MYO1E: variants seen among roughly 807,000 people sequenced by gnomAD.
The protein encoded by MYO1E is myosin IE.
In MYO1E, 68 loss-of-function variants were observed where a neutral mutation model predicts 151.1. The ratio of observed to expected loss-of-function variants is 0.45; its 90% CI spans 0.37 to 0.55. The LOEUF (loss-of-function observed/expected upper bound fraction) is 0.55. Among genes scored for constraint, MYO1E ranks in the 20% least tolerant of loss-of-function variants. MYO1E has a pLI of 0.00. For missense variants in MYO1E, 1,363 were observed against 1,389.3 expected, an observed-to-expected ratio of 0.98 and a Z score of 0.30; for synonymous variants, 601 against 501.7, an observed-to-expected ratio of 1.20 and a Z score of -2.64.
rs990799873 is a variant in MYO1E at position 59,147,666 on chromosome 15, G to T, written c.3080+5924C>A. ...ACTGTGGAACGGTGCAGAGCCAGAA[G>T]GAGTTTGTGACTTTTCATCTTCAAA... On this transcript the variant is annotated intron_variant, in intron 26 of 27. Transcript: ENST00000288235. 4.0e-5 allele frequency among the ~76,000 whole-genome samples: 6 copies of T among 151,182 alleles called. No individual in the cohort carries two copies. The East Asian group carries it at 9.7e-4, about 24-fold the overall frequency.
At chr15:59,354,356 T>TG (rs2080841975) in intron 1 of MYO1E, among the ~76,000 whole-genome samples, 1 of 152,178 alleles carries the variant, frequency 6.6e-6, no homozygotes, top group Non-Finnish European at 1.5e-5. Flanking sequence ...AGACACAACC[T>TG]TGGTCAGGAA....
chr15:59,295,053 T>G (rs1406888057), intron 1 of MYO1E, among the ~76,000 whole-genome samples: 3 of 152,172 alleles, frequency 2.0e-5, no homozygotes, highest in African/African-American at 7.2e-5. Flanking sequence ...GTAAGTGACC[T>G]GAGGATGGGG....
intron 8 of MYO1E, 91 bp downstream of exon 8, chr15:59,224,598 T>G: frequency 1.3e-6 from 2 of 1,530,786 alleles, no homozygotes; most frequent in Admixed American, 1.7e-5. Context: ...TTCATGCAGC[T>G]CTTTGCTTTA....
In MYO1E at chr15:59,344,307, C is replaced by T. The variant is rs574979813; in HGVS notation, c.3+28191G>A. On this transcript the variant is annotated intron_variant, in intron 1 of 27. Coordinates refer to ENST00000288235, the MANE Select transcript of MYO1E (RefSeq NM_004998.4). ...TGCCTTGGTGGTCTTGTGTAAGATCCAAAAGAACTCTCTGGATTACCAGGC... is the reference window on the plus strand; with the variant it reads ...TGCCTTGGTGGTCTTGTGTAAGATCTAAAAGAACTCTCTGGATTACCAGGC... Among the ~76,000 whole-genome samples the T allele has an allele frequency of 5.3e-5, 8 of 152,350 alleles. No individual in the cohort carries two copies. The East Asian group carries it at 1.5e-3, about 29-fold the overall frequency.
intron 26 of MYO1E, among the ~76,000 whole-genome samples, chr15:59,139,490 T>C (rs2079395894): frequency 8.6e-6 from 1 of 116,788 alleles, no homozygotes; most frequent in African/African-American, 4.0e-5. Context: ...GCAGACTTCT[T>C]TCCCACCCCC....
intron 1 of MYO1E, among the ~76,000 whole-genome samples, chr15:59,282,588 A>T (rs530020883): frequency 1.3e-5 from 2 of 151,582 alleles, no homozygotes; most frequent in Non-Finnish European, 2.9e-5. Context: ...GCTCATGCCT[A>T]TAATCCCAGC....
chr15:59,155,626 C>T (rs1348075233), intron 25 of MYO1E, among the ~76,000 whole-genome samples: 2 of 152,134 alleles, frequency 1.3e-5, no homozygotes, highest in African/African-American at 4.8e-5. Context: ...GTGGACTTGG[C>T]CAGAATTCTC....
At chr15:59,184,487 A>C (rs1261029781) in intron 18 of MYO1E, among the ~76,000 whole-genome samples, 1 of 151,852 alleles carries the variant, frequency 6.6e-6, no homozygotes, top group South Asian at 2.1e-4. Flanking sequence ...CAGCCTCCCA[A>C]GTAGCTGGCA....
intron 6 of MYO1E, among the ~76,000 whole-genome samples, chr15:59,231,248 T>C (rs1240885987): frequency 3.3e-5 from 5 of 152,154 alleles, no homozygotes; most frequent in African/African-American, 1.2e-4. Flanking sequence ...GAGGAGGAAG[T>C]TTCTCTCCAA....
At chr15:59,202,982 G>A (rs1224774656) in intron 15 of MYO1E, among the ~76,000 whole-genome samples, 1 of 152,228 alleles carries the variant, frequency 6.6e-6, no homozygotes, top group African/African-American at 2.4e-5. Flanking sequence ...CTGGACTCAA[G>A]AGGTGCTCCT....
chr15:59,178,581 C>A, intron 18 of MYO1E, 44 bp from the exon 19 acceptor site: 1 of 1,604,604 alleles, frequency 6.2e-7, no homozygotes, highest in Non-Finnish European at 8.5e-7. Context: ...TGGGCGGGAC[C>A]GCACTGGTTT....
At chr15:59,356,550 A>G (rs1378132584) in intron 1 of MYO1E, among the ~76,000 whole-genome samples, 1 of 152,200 alleles carries the variant, frequency 6.6e-6, no homozygotes, top group East Asian at 1.9e-4. Context: ...TTGTATACTG[A>G]TGCATAACAA....
rs1214790331 is a variant in MYO1E at position 59,208,338 on chromosome 15, C to T, written c.1530+343G>A. 11 of 556,014 alleles carry T rather than the reference C, an allele frequency of 2.0e-5. 1 individual carries two copies. The South Asian group carries it at 2.6e-4, about 13-fold the overall frequency. The allele number at this position is 556,014 out of a possible 1,614,324, so 34.4% of individuals were successfully genotyped here. On this transcript the variant is annotated intron_variant, in intron 14 of 27. Transcript: ENST00000288235. ...TGCCATGTTATATATATGTAGTTGG[C>T]ATTTGGTTCCCAAAAAGTAGGATGT...
Position 59,271,567 on chromosome 15 carries a change from A to T in MYO1E, c.147+739T>A, listed in dbSNP as rs1454394145. ...TATCACAGTTCCCTGTTGATAATGA[A>T]GTCAACCCATATTTGAATCAAATTT... On this transcript the variant is annotated intron_variant, in intron 2 of 27. Coordinates refer to ENST00000288235, the MANE Select transcript of MYO1E (RefSeq NM_004998.4). 2.6e-5 allele frequency among the ~76,000 whole-genome samples: 4 copies of T among 152,236 alleles called. No homozygotes were observed. The East Asian group carries it at 7.7e-4, about 29-fold the overall frequency.
chr15:59,183,507 T>C (rs1455253190), intron 18 of MYO1E, among the ~76,000 whole-genome samples: 4 of 151,830 alleles, frequency 2.6e-5, no homozygotes, highest in Non-Finnish European at 4.4e-5. Context: ...GACTGATAAG[T>C]TTTTTTTGGG....
intron 1 of MYO1E, among the ~76,000 whole-genome samples, chr15:59,286,370 T>A (rs1185389741): frequency 6.6e-6 from 1 of 152,236 alleles, no homozygotes. Context: ...GTTTGGGGCA[T>A]ATCTGAATAA....
At chr15:59,210,633 T>C in intron 12 of MYO1E, 33 bp from the exon 13 acceptor site, 1 of 1,463,258 alleles carries the variant, frequency 6.8e-7, no homozygotes, top group Non-Finnish European at 9.6e-7. Context: ...TCACATTATT[T>C]CCCAGATAGC....
chr15:59,343,218 T>C (rs976221952), intron 1 of MYO1E, among the ~76,000 whole-genome samples: 1 of 152,188 alleles, frequency 6.6e-6, no homozygotes, highest in Non-Finnish European at 1.5e-5. Flanking sequence ...CCCTCAGCTT[T>C]TGTTTGTCTG....
chr15:59,363,485 A>G (rs995712813), intron 1 of MYO1E, among the ~76,000 whole-genome samples: 27 of 152,350 alleles, frequency 1.8e-4, no homozygotes, highest in Non-Finnish European at 2.9e-4. Context: ...CCTCAGGAGT[A>G]TGTGAAATAA....
Sources: gnomAD v4.1 joint callset for allele counts (sites outside exome capture counted in the v4.1 genomes callset) on GRCh38, gnomAD v4.1.1 for gene constraint, MANE v1.5 for transcripts, NCBI Gene and HGNC (gene_info 2026-07-23, HGNC 2026-07-21) for gene names.